The following SLC2A13 variants were observed in gnomAD, a reference collection of about 807,000 sequenced individuals.
The protein encoded by SLC2A13 is solute carrier family 2 member 13.
In SLC2A13, 32 loss-of-function variants were observed where a neutral mutation model predicts 64.4. That is an observed-to-expected ratio of 0.50 (90% CI 0.37 to 0.67). The LOEUF (loss-of-function observed/expected upper bound fraction) is 0.67. Ranked by LOEUF, SLC2A13 falls within the 30% of genes least tolerant of loss-of-function variation. The pLI, the probability that SLC2A13 is intolerant of heterozygous loss-of-function variation, is 0.00. For missense variants in SLC2A13, 743 were observed against 829.2 expected, an observed-to-expected ratio of 0.90 and a Z score of 1.28; for synonymous variants, 338 against 327.1, an observed-to-expected ratio of 1.03 and a Z score of -0.36.
intron 3 of SLC2A13, among the ~76,000 whole-genome samples, chr12:40,008,494 C>A (rs1236074786): frequency 3.9e-5 from 6 of 151,998 alleles, no homozygotes; most frequent in African/African-American, 1.2e-4. Context: ...ACCTGTAGTC[C>A]CAGCTACTCG....
intron 3 of SLC2A13, among the ~76,000 whole-genome samples, chr12:39,971,213 T>C (rs970012132): frequency 2.0e-5 from 3 of 152,156 alleles, no homozygotes; most frequent in Non-Finnish European, 2.9e-5. Flanking sequence ...CAATAAACAA[T>C]GTAGAACAGC....
intron 4 of SLC2A13, among the ~76,000 whole-genome samples, chr12:39,938,597 T>C (rs564294900): frequency 6.6e-6 from 1 of 151,770 alleles, no homozygotes; most frequent in African/African-American, 2.4e-5. Context: ...AGGATAATAA[T>C]ATTCAAGAAA....
intron 7 of SLC2A13, among the ~76,000 whole-genome samples, chr12:39,788,025 C>T (rs1404879517): frequency 6.6e-6 from 1 of 152,056 alleles, no homozygotes; most frequent in Non-Finnish European, 1.5e-5. Context: ...AATTCTAGGA[C>T]AATTACATAA....
intron 4 of SLC2A13, among the ~76,000 whole-genome samples, chr12:39,902,387 CAT>C (rs1237917598): frequency 6.6e-6 from 1 of 151,632 alleles, no homozygotes; most frequent in Non-Finnish European, 1.5e-5. Context: ...AAGATATGTA[CAT>C]ACACATGAAG....
chr12:39,871,650 C>A, intron 5 of SLC2A13, 148 bp downstream of exon 5: 1 of 637,556 alleles, frequency 1.6e-6, no homozygotes, highest in Non-Finnish European at 2.3e-6. Flanking sequence ...TTTTTTTTTT[C>A]TTTTTTGGTC....
intron 3 of SLC2A13, among the ~76,000 whole-genome samples, chr12:39,980,392 A>G (rs1206728886): frequency 6.6e-6 from 1 of 151,954 alleles, no homozygotes; most frequent in East Asian, 1.9e-4. Context: ...TTGGATAAAG[A>G]GTCAAGACCC....
chr12:39,799,066 T>TTTTTTTTTTTTTTCC (rs1491332030), intron 7 of SLC2A13, among the ~76,000 whole-genome samples: 55 of 138,158 alleles, frequency 4.0e-4, no homozygotes, highest in Non-Finnish European at 6.7e-4. Flanking sequence ...ACTGTTCTGG[T>TTTTTTTTTTTTTTCC]TTTTTTTTTT....
At chr12:39,842,870 TG>T (rs1462616438) in intron 6 of SLC2A13, among the ~76,000 whole-genome samples, 1 of 152,076 alleles carries the variant, frequency 6.6e-6, no homozygotes, top group Non-Finnish European at 1.5e-5. Flanking sequence ...TTATACAATG[TG>T]CTCTGTTGTT....
At chr12:39,838,097 T>G (rs974942444) in intron 6 of SLC2A13, among the ~76,000 whole-genome samples, 1 of 147,632 alleles carries the variant, frequency 6.8e-6, no homozygotes, top group Non-Finnish European at 1.5e-5. Flanking sequence ...AACCCAAATG[T>G]CCAACAATCA....
chr12:40,041,511 C>A (rs1045517152), intron 2 of SLC2A13, among the ~76,000 whole-genome samples: 41 of 152,164 alleles, frequency 2.7e-4, no homozygotes, highest in African/African-American at 9.9e-4. Context: ...ACACTATATC[C>A]ATCATTTATT....
In SLC2A13 at chr12:39,760,873, T is replaced by G. The variant is rs1328740561; in HGVS notation, c.1721-621A>C. 1.4e-4 allele frequency among the ~76,000 whole-genome samples: 21 copies of G among 149,238 alleles called. No homozygotes were observed. The Admixed American group carries it at 1.4e-3, about 10-fold the overall frequency. ...ATGAATGTATGACTTGTTTATATTCTCTACACATTTCCAAGATGGACTTTT... is the reference window on the plus strand; with the variant it reads ...ATGAATGTATGACTTGTTTATATTCGCTACACATTTCCAAGATGGACTTTT... On this transcript the variant is annotated intron_variant, in intron 9 of 9. Coordinates refer to ENST00000280871, the MANE Select transcript of SLC2A13 (RefSeq NM_052885.4).
At chr12:39,900,872 C>T (rs1945078303) in intron 4 of SLC2A13, among the ~76,000 whole-genome samples, 1 of 152,176 alleles carries the variant, frequency 6.6e-6, no homozygotes, top group Non-Finnish European at 1.5e-5. Context: ...AAAGATCCCG[C>T]ATCGCCAAGT....
intron 7 of SLC2A13, chr12:39,829,801 C>A: frequency 2.9e-6 from 1 of 342,672 alleles, no homozygotes. Flanking sequence ...AAACAATATG[C>A]AGTGGGAGAA....
intron 6 of SLC2A13, among the ~76,000 whole-genome samples, chr12:39,839,984 T>A (rs936943021): frequency 6.6e-6 from 1 of 152,100 alleles, no homozygotes; most frequent in Non-Finnish European, 1.5e-5. Context: ...GTTCTATCAA[T>A]TCTATGTCTC....
At chr12:40,006,813 C>T (rs548060530) in intron 3 of SLC2A13, among the ~76,000 whole-genome samples, 3 of 152,254 alleles carry the variant, frequency 2.0e-5, no homozygotes, top group South Asian at 4.1e-4. Context: ...TCTACAGTGT[C>T]GGCTAGACAG....
intron 4 of SLC2A13, among the ~76,000 whole-genome samples, chr12:39,902,367 G>T (rs1034539203): frequency 1.3e-5 from 2 of 151,548 alleles, no homozygotes; most frequent in African/African-American, 4.8e-5. Flanking sequence ...TTAAAAAAAA[G>T]AAGAGTGAAA....
chr12:39,918,345 A>G (rs1945554341), intron 4 of SLC2A13, among the ~76,000 whole-genome samples: 1 of 142,156 alleles, frequency 7.0e-6, no homozygotes, highest in Non-Finnish European at 1.5e-5. Context: ...ATGAATGTAT[A>G]ACAGAACAGA....
At chr12:39,966,478 A>G (rs1946519044) in intron 3 of SLC2A13, among the ~76,000 whole-genome samples, 1 of 152,194 alleles carries the variant, frequency 6.6e-6, no homozygotes, top group Admixed American at 6.5e-5. Flanking sequence ...GTAGAGAATG[A>G]TTAACAGCAG....
At chr12:39,836,455 T>C (rs868803400) in intron 6 of SLC2A13, among the ~76,000 whole-genome samples, 1 of 151,984 alleles carries the variant, frequency 6.6e-6, no homozygotes, top group African/African-American at 2.4e-5. Flanking sequence ...CTCTCACCAC[T>C]CCTATTCAAC....
Sources: gnomAD v4.1 joint callset for allele counts (sites outside exome capture counted in the v4.1 genomes callset) on GRCh38, gnomAD v4.1.1 for gene constraint, MANE v1.5 for transcripts, NCBI Gene and HGNC (gene_info 2026-07-23, HGNC 2026-07-21) for gene names.